Variants in RNF17 observed in about 807,000 individuals in gnomAD.
RNF17 encodes the protein ring finger protein 17.
RNF17 carries 31 observed loss-of-function variants against 200.5 expected under a neutral mutation model. The ratio of observed to expected loss-of-function variants is 0.15; its 90% confidence interval spans 0.12 to 0.21. The LOEUF (loss-of-function observed/expected upper bound fraction) is 0.21. Ranked by LOEUF, RNF17 falls within the 10% of genes least tolerant of loss-of-function variation. The pLI is 1.00. For synonymous variants in RNF17, 606 were observed against 637.8 expected (o/e 0.95, Z 0.75); for missense variants, 1,628 against 1,905.1 (o/e 0.85, Z 2.71).
intron 23 of RNF17, among the ~76,000 whole-genome samples, chr13:24,851,085 C>T (rs757101141): frequency 7.2e-5 from 11 of 152,194 alleles, no homozygotes; most frequent in Non-Finnish European, 1.3e-4. Flanking sequence ...ATCTCCGACT[C>T]CCAGGTTCAA....
chr13:24,811,916 C>A (rs867670953), intron 15 of RNF17, among the ~76,000 whole-genome samples: 1 of 152,204 alleles, frequency 6.6e-6, no homozygotes, highest in Non-Finnish European at 1.5e-5. Flanking sequence ...AGGTGTCAGT[C>A]TACCCCTGCT....
At chr13:24,861,122 A>T (rs949796762) in intron 26 of RNF17, 146 bp from the exon 27 acceptor site, 56 of 571,302 alleles carry the variant, frequency 9.8e-5, no homozygotes, top group Non-Finnish European at 1.5e-4. Context: ...CAAACAATCC[A>T]CCCACCTCTG....
upstream of RNF17, among the ~76,000 whole-genome samples, chr13:24,759,592 A>G (rs1413732685): frequency 6.6e-6 from 1 of 152,228 alleles, no homozygotes; most frequent in African/African-American, 2.4e-5. Context: ...AAATTTAAAC[A>G]GCAGGGTAAA....
intron 25 of RNF17, among the ~76,000 whole-genome samples, chr13:24,856,498 T>C (rs1183209469): frequency 6.6e-6 from 1 of 152,126 alleles, no homozygotes; most frequent in Non-Finnish European, 1.5e-5. Flanking sequence ...AAAAAATGTT[T>C]ATAGTTTTGT....
At chr13:24,876,813 T>C (rs1318403675) in intron 33 of RNF17, among the ~76,000 whole-genome samples, 184 bp from the exon 34 acceptor site, 1 of 152,188 alleles carries the variant, frequency 6.6e-6, no homozygotes, top group Non-Finnish European at 1.5e-5. Context: ...AGTTAATTTT[T>C]TTAGGAAGTC....
chr13:24,760,720 T>C (rs576881255), upstream of RNF17, among the ~76,000 whole-genome samples: 1 of 152,188 alleles, frequency 6.6e-6, no homozygotes, highest in Non-Finnish European at 1.5e-5. Context: ...TTGCAAACTA[T>C]ACATCTGGTA....
rs772810640 is a variant in RNF17 at position 24,850,453 on chromosome 13, T to A, written c.3204+10T>A. 31 of 1,505,286 alleles carry A rather than the reference T, an allele frequency of 2.1e-5. No homozygotes were observed. Among genetic ancestry groups the A allele is most frequent in the Non-Finnish European group, 2.6e-5 (28 of 1,082,854 alleles). 93.2% of individuals were successfully genotyped at this position (1,505,286 alleles called of 1,614,324 possible). A position where few individuals can be genotyped will look rare whatever the true frequency, so the allele number is the denominator to read the frequency against. On this transcript the variant is annotated intron_variant, in intron 23 of 35. Coordinates refer to ENST00000255324, the MANE Select transcript of RNF17 (RefSeq NM_031277.3). ...ACAGGTGGATAGTGAGGTAACAAGT[T>A]ACAAGAGATATGTGCTGATGATCTC...
chr13:24,804,040 G>A lies in RNF17; in HGVS notation c.1950-248G>A, dbSNP rs1885557426. 1.3e-5 allele frequency: 5 copies of A among 387,334 alleles called. No individual in the cohort carries two copies. The South Asian group carries it at 1.3e-4, about 10-fold the overall frequency. The allele number at this position is 387,334 out of a possible 1,614,324, so 24.0% of individuals were successfully genotyped here. ...TATCCCAGCACTTTGGGAGGCCAAGGCAGTAGGGTCGCCTGAGCCCAGGAG... is the reference window on the plus strand; with the variant it reads ...TATCCCAGCACTTTGGGAGGCCAAGACAGTAGGGTCGCCTGAGCCCAGGAG... On this transcript the variant is annotated intron_variant, in intron 14 of 35. Transcript: ENST00000255324.
chr13:24,815,921 G>A (rs768381859), intron 15 of RNF17, among the ~76,000 whole-genome samples: 1 of 152,128 alleles, frequency 6.6e-6, no homozygotes, highest in African/African-American at 2.4e-5. Context: ...TGGAGACAGG[G>A]TCTCCCTCAG....
intron 33 of RNF17, among the ~76,000 whole-genome samples, chr13:24,876,605 A>C (rs1894881482): frequency 6.6e-6 from 1 of 152,008 alleles, no homozygotes; most frequent in African/African-American, 2.4e-5. Context: ...GTTGTGTTAT[A>C]ATAGCCATTC....
chr13:24,762,909 C>G (rs1878915505), upstream of RNF17, among the ~76,000 whole-genome samples: 2 of 152,172 alleles, frequency 1.3e-5, no homozygotes, highest in Non-Finnish European at 2.9e-5. Context: ...CCTGACACAC[C>G]TCTCCAAAGA....
At chr13:24,876,824 C>T (rs1894907929) in intron 33 of RNF17, among the ~76,000 whole-genome samples, 173 bp from the exon 34 acceptor site, 1 of 151,728 alleles carries the variant, frequency 6.6e-6, no homozygotes, top group Admixed American at 6.6e-5. Context: ...TTAGGAAGTC[C>T]ATTTTATCTG....
upstream of RNF17, chr13:24,764,009 G>T: frequency 2.2e-6 from 1 of 454,006 alleles, no homozygotes; most frequent in Non-Finnish European, 3.9e-6. Context: ...GCCACAAGGC[G>T]CCCCTTCTAG....
intron 3 of RNF17, 147 bp downstream of exon 3, chr13:24,775,051 T>G: frequency 1.8e-6 from 1 of 562,844 alleles, no homozygotes; most frequent in Non-Finnish European, 3.1e-6. Context: ...TCATCTTAGC[T>G]GTCAGTGGAA....
intron 15 of RNF17, among the ~76,000 whole-genome samples, chr13:24,816,083 A>G (rs7328854): frequency 0.23 from 35,047 of 151,988 alleles, 4,512 homozygotes; most frequent in Non-Finnish European, 0.29. Context: ...TTTTTATTTT[A>G]GAAATGAGGT....
chr13:24,827,730 A>AAAAAAAAAAAAAAAAAAAAATAG (rs1888894362), intron 16 of RNF17, among the ~76,000 whole-genome samples: 1 of 147,138 alleles, frequency 6.8e-6, no homozygotes, highest in Non-Finnish European at 1.5e-5. Flanking sequence ...AAAAAAAAAA[A>AAAAAAAAAAAAAAAAAAAAATAG]ACAATAGAAA....
intron 15 of RNF17, among the ~76,000 whole-genome samples, chr13:24,822,525 A>C (rs1323991031): frequency 6.6e-6 from 1 of 151,758 alleles, no homozygotes; most frequent in Non-Finnish European, 1.5e-5. Flanking sequence ...AGGTTCAAGC[A>C]ATTCTTCTGG....
downstream of RNF17, chr13:24,883,995 A>G (rs199891774): frequency 6.2e-7 from 1 of 1,614,162 alleles, no homozygotes; most frequent in Non-Finnish European, 8.5e-7. Context: ...CATCTGGGAA[A>G]ATGCTTTCTT....
intron 28 of RNF17, among the ~76,000 whole-genome samples, chr13:24,863,757 C>T (rs1893341159): frequency 2.0e-5 from 3 of 152,212 alleles, no homozygotes; most frequent in Admixed American, 6.5e-5. Flanking sequence ...GCTTTCACTG[C>T]TTCTTCGCTT....
Sources: gnomAD v4.1 joint callset for allele counts (sites outside exome capture counted in the v4.1 genomes callset) on GRCh38, gnomAD v4.1.1 for gene constraint, MANE v1.5 for transcripts, NCBI Gene and HGNC (gene_info 2026-07-23, HGNC 2026-07-21) for gene names.